The following N4BP2 variants were observed in gnomAD, a reference collection of about 807,000 sequenced individuals.
N4BP2 encodes the protein NEDD4-binding protein 2.
In N4BP2, 91 loss-of-function variants were observed where a neutral mutation model predicts 152.8. That is an observed-to-expected ratio of 0.60 (90% CI 0.50 to 0.71). The LOEUF is 0.71. N4BP2 is among the 30% of genes least tolerant of loss of function. The probability of loss-of-function intolerance (pLI) is 0.00; values close to 1 mark genes in which losing one functional copy is unlikely to be tolerated. For missense variants in N4BP2, 1,923 were observed against 2,059.1 expected (o/e 0.93, Z 1.28); for synonymous variants, 646 against 705.3 (o/e 0.92, Z 1.33).
chr4:40,106,419 T>G (rs1406321627), intron 4 of N4BP2, among the ~76,000 whole-genome samples: 1 of 152,134 alleles, frequency 6.6e-6, no homozygotes, highest in Admixed American at 6.5e-5. Flanking sequence ...TGGGTTCAAG[T>G]GATCCTCTCA....
chr4:40,151,566 C>G (rs1407053351), intron 16 of N4BP2, among the ~76,000 whole-genome samples: 1 of 152,180 alleles, frequency 6.6e-6, no homozygotes, highest in Admixed American at 6.5e-5. Flanking sequence ...GCCACTGTCC[C>G]TGGCCAATGT....
chr4:40,182,469 G>A, the N4BP2 span, among the ~76,000 whole-genome samples: 2 of 151,968 alleles, frequency 1.3e-5, no homozygotes, highest in Admixed American at 1.3e-4. Flanking sequence ...TATTTATTTT[G>A]AGACAGGGTC....
At chr4:40,147,912 C>T (rs1447558559) in intron 16 of N4BP2, among the ~76,000 whole-genome samples, 2 of 150,790 alleles carry the variant, frequency 1.3e-5, no homozygotes, top group African/African-American at 4.9e-5. Context: ...CAGAGGCGCT[C>T]CCCACATTTC....
chr4:40,173,623 CCCTT>C, the N4BP2 span, among the ~76,000 whole-genome samples: 1 of 152,152 alleles, frequency 6.6e-6, no homozygotes, highest in African/African-American at 2.4e-5. Context: ...CCCAAACACA[CCCTT>C]CCTTGTAAAG....
chr4:40,125,992 C>A, intron 11 of N4BP2, 142 bp from the exon 12 acceptor site: 1 of 446,032 alleles, frequency 2.2e-6, no homozygotes, highest in Non-Finnish European at 4.0e-6. Flanking sequence ...ATGTATTTTA[C>A]AATTTCAGAG....
At chr4:40,134,900 C>T (rs1029537842) in intron 13 of N4BP2, among the ~76,000 whole-genome samples, 12 of 66,462 alleles carry the variant, frequency 1.8e-4, no homozygotes, top group African/African-American at 2.4e-4. Flanking sequence ...TTCCTTCCTT[C>T]CTTTCTCTCT....
chr4:40,102,201 A>G lies in N4BP2; in HGVS notation c.356A>G (p.Lys119Arg). Residue 119 changes from lysine (K) to arginine (R), a missense_variant, in exon 4 of 18, where the codon AAA becomes AGA. Lys to Arg is a conservative substitution (Grantham distance 26). Transcript: ENST00000261435. ...GCAGCAGAAAGTAAAATAATGGAAAAACGTCCTGAAGAAGAGAGTGAAGAT... is the reference window on the plus strand; with the variant it reads ...GCAGCAGAAAGTAAAATAATGGAAAGACGTCCTGAAGAAGAGAGTGAAGAT... ...VGAAESKIME[K>R]RPEEESEDSK... is the part of the protein sequence containing the mutation. 6.2e-7 allele frequency: 1 copy of G among 1,613,988 alleles called. No individual in the cohort carries two copies. Among genetic ancestry groups the G allele is most frequent in the Non-Finnish European group, 8.5e-7 (1 of 1,179,968 alleles).
chr4:40,151,161 T>A (rs1721120800), intron 16 of N4BP2, among the ~76,000 whole-genome samples: 1 of 152,234 alleles, frequency 6.6e-6, no homozygotes, highest in Non-Finnish European at 1.5e-5. Flanking sequence ...TTCAGAGCAA[T>A]AAGTGAACTA....
At chr4:40,169,697 G>T in the N4BP2 span, among the ~76,000 whole-genome samples, 15 of 151,530 alleles carry the variant, frequency 9.9e-5, no homozygotes, top group South Asian at 3.1e-3. Context: ...GGGTGTGGTG[G>T]CTCTCGCTTG....
At chr4:40,093,950 G>A (rs1242067543) in intron 2 of N4BP2, among the ~76,000 whole-genome samples, 2 of 152,156 alleles carry the variant, frequency 1.3e-5, no homozygotes, top group Non-Finnish European at 2.9e-5. Context: ...GCCCAGGATG[G>A]TCTTGATCTC....
the N4BP2 span, among the ~76,000 whole-genome samples, chr4:40,165,716 A>G: frequency 1.3e-5 from 2 of 152,234 alleles, no homozygotes; most frequent in Non-Finnish European, 2.9e-5. Flanking sequence ...GAGTGAATAG[A>G]ATAGATTCTG....
chr4:40,088,445 G>A (rs989773719), intron 2 of N4BP2, among the ~76,000 whole-genome samples: 6 of 150,750 alleles, frequency 4.0e-5, no homozygotes, highest in Non-Finnish European at 7.4e-5. Flanking sequence ...CCATCATTTG[G>A]TGTTGTACCT....
At chr4:40,093,155 G>A (rs1482178786) in intron 2 of N4BP2, among the ~76,000 whole-genome samples, 1 of 135,282 alleles carries the variant, frequency 7.4e-6, no homozygotes, top group African/African-American at 2.8e-5. Context: ...TGTTGGCTAG[G>A]CTGGTCTTGA....
chr4:40,067,687 AC>A (rs1341963920), intron 1 of N4BP2, among the ~76,000 whole-genome samples: 2 of 151,856 alleles, frequency 1.3e-5, no homozygotes, highest in Non-Finnish European at 2.9e-5. Flanking sequence ...ATCTTCACCA[AC>A]ATTTTTATTT....
the N4BP2 span, among the ~76,000 whole-genome samples, chr4:40,176,072 AGAGC>A: frequency 6.7e-6 from 1 of 149,378 alleles, no homozygotes; most frequent in African/African-American, 2.5e-5. Flanking sequence ...CCTGGGCGAC[AGAGC>A]GAGACTCCGT....
chr4:40,170,103 G>C, the N4BP2 span, among the ~76,000 whole-genome samples: 1 of 151,702 alleles, frequency 6.6e-6, no homozygotes, highest in Non-Finnish European at 1.5e-5. Context: ...AGGGTAAAAA[G>C]CTTTTAAAAA....
chr4:40,092,680 G>A (rs1300829130), intron 2 of N4BP2, among the ~76,000 whole-genome samples: 2 of 130,618 alleles, frequency 1.5e-5, no homozygotes, highest in African/African-American at 2.9e-5. Flanking sequence ...GTCTTGCTCT[G>A]TTGCCCAGGC....
chr4:40,094,777 C>G (rs1714953278), intron 2 of N4BP2, among the ~76,000 whole-genome samples: 1 of 151,668 alleles, frequency 6.6e-6, no homozygotes, highest in Non-Finnish European at 1.5e-5. Flanking sequence ...GTCTCAAACT[C>G]CTGACTTTAG....
At chr4:40,139,893 C>T (rs886151509) in intron 14 of N4BP2, among the ~76,000 whole-genome samples, 2 of 146,756 alleles carry the variant, frequency 1.4e-5, no homozygotes, top group South Asian at 4.3e-4. Context: ...GGCAGGATCA[C>T]AGCTCAAGCG....
Sources: gnomAD v4.1 joint callset for allele counts (sites outside exome capture counted in the v4.1 genomes callset) on GRCh38, gnomAD v4.1.1 for gene constraint, MANE v1.5 for transcripts, NCBI Gene and HGNC (gene_info 2026-07-23, HGNC 2026-07-21) for gene names.